Variants in AOAH observed in about 807,000 individuals in gnomAD.
AOAH encodes acyloxyacyl hydrolase.
Under a neutral mutation model 92.2 loss-of-function variants are expected in AOAH, and 64 were observed. That is an observed-to-expected ratio of 0.69 (90% CI 0.57 to 0.86). The LOEUF (loss-of-function observed/expected upper bound fraction) is 0.86, where lower values mean the gene tolerates loss of function less well. AOAH is among the 40% of genes least tolerant of loss of function. The probability of loss-of-function intolerance (pLI) is 0.00; values close to 1 mark genes in which losing one functional copy is unlikely to be tolerated. For missense variants in AOAH, 656 were observed against 694.6 expected (o/e 0.94, Z 0.62); for synonymous variants, 263 against 254.5 (o/e 1.03, Z -0.32).
At chr7:36,722,767 T>C (rs1214493574) in intron 1 of AOAH, among the ~76,000 whole-genome samples, 6 of 151,630 alleles carry the variant, frequency 4.0e-5, no homozygotes, top group Admixed American at 3.9e-4. Flanking sequence ...ACCCCATCTC[T>C]ACTAAAAATA....
chr7:36,559,369 G>A (rs906426895), intron 13 of AOAH, among the ~76,000 whole-genome samples: 25 of 152,258 alleles, frequency 1.6e-4, no homozygotes, highest in Admixed American at 3.3e-4. Context: ...CACCAGTAGC[G>A]TATAACCATT....
chr7:36,706,366 C>G (rs1798410607), intron 1 of AOAH, among the ~76,000 whole-genome samples: 1 of 152,102 alleles, frequency 6.6e-6, no homozygotes, highest in African/African-American at 2.4e-5. Flanking sequence ...TAGGTCTCCA[C>G]AGTGAGCTCA....
intron 7 of AOAH, 77 bp downstream of exon 7, chr7:36,623,113 T>A (rs1792400448): frequency 3.1e-6 from 3 of 973,462 alleles, no homozygotes; most frequent in Non-Finnish European, 4.6e-6. Flanking sequence ...AATTCAGTCT[T>A]GTCTTATTAA....
intron 4 of AOAH, among the ~76,000 whole-genome samples, chr7:36,652,990 C>T (rs1048692415): frequency 6.6e-6 from 1 of 152,212 alleles, no homozygotes; most frequent in Non-Finnish European, 1.5e-5. Context: ...ATACTGACTT[C>T]TTTAGTTTTG....
chr7:36,548,753 A>T, intron 14 of AOAH, 67 bp from the exon 15 acceptor site: 4 of 1,411,626 alleles, frequency 2.8e-6, no homozygotes, highest in Non-Finnish European at 4.0e-6. Flanking sequence ...CCAGTGACAC[A>T]GGCTGGGCCT....
At chr7:36,668,388 G>A (rs1444773792) in intron 3 of AOAH, among the ~76,000 whole-genome samples, 1 of 152,184 alleles carries the variant, frequency 6.6e-6, no homozygotes, top group Admixed American at 6.5e-5. Context: ...GCTGGCTCCT[G>A]TGGCAATTTT....
intron 19 of AOAH, among the ~76,000 whole-genome samples, chr7:36,525,392 A>G (rs1343486829): frequency 6.6e-6 from 1 of 152,242 alleles, no homozygotes; most frequent in Non-Finnish European, 1.5e-5. Context: ...TTGCTTATAC[A>G]TGAGTTTCTT....
chr7:36,524,751 T>A (rs1784311464), intron 19 of AOAH, among the ~76,000 whole-genome samples: 2 of 151,338 alleles, frequency 1.3e-5, no homozygotes, highest in African/African-American at 2.4e-5. Flanking sequence ...TTTTTTTTTT[T>A]AAACCATGTG....
chr7:36,669,377 C>CTTTTTTTT (rs33911092), intron 3 of AOAH, among the ~76,000 whole-genome samples: 1 of 125,526 alleles, frequency 8.0e-6, no homozygotes, highest in Non-Finnish European at 1.6e-5. Flanking sequence ...CCCCCCCCAC[C>CTTTTTTTT]TTTTTTTTTT....
At chr7:36,524,742 T>C (rs1784311025) in intron 19 of AOAH, among the ~76,000 whole-genome samples, 1 of 151,370 alleles carries the variant, frequency 6.6e-6, no homozygotes, top group African/African-American at 2.4e-5. Flanking sequence ...GCTCACTCTT[T>C]TTTTTTTTTA....
Position 36,516,444 on chromosome 7 carries a change from CA to C in AOAH, c.1600-3065del, listed in dbSNP as rs70977157. ...ACAGAAAGCACGCAGATACCCCCCC[CA>C]CACACACAGAAAGTGCACGGATACC... On this transcript the variant is annotated intron_variant, in intron 20 of 20. Coordinates refer to ENST00000617537, the MANE Select transcript of AOAH (RefSeq NM_001637.4). This position sits in a 1 kb window ranked among gnomAD's most constrained non-coding sequence, Gnocchi z 5.0. Among the ~76,000 whole-genome samples, 15,491 of 103,480 alleles carry C rather than the reference CA, an allele frequency of 0.15. 3,682 individuals are homozygous for C. The highest frequency in any genetic ancestry group is 0.26 in the Middle Eastern group (47 of 180). The allele number at this position is 103,480 out of a possible 152,430, so 67.9% of individuals were successfully genotyped here. A position where few individuals can be genotyped will look rare whatever the true frequency, so the allele number is the denominator to read the frequency against.
intron 3 of AOAH, among the ~76,000 whole-genome samples, chr7:36,668,639 G>T (rs912836248): frequency 2.6e-5 from 4 of 152,034 alleles, no homozygotes; most frequent in African/African-American, 9.7e-5. Context: ...GAGGTGCACC[G>T]CCACCCCCGG....
At chr7:36,586,476 C>T (rs1436811233) in intron 12 of AOAH, among the ~76,000 whole-genome samples, 1 of 152,196 alleles carries the variant, frequency 6.6e-6, no homozygotes, top group Non-Finnish European at 1.5e-5. Flanking sequence ...CCTTGCCCTC[C>T]AGGACTGTAA....
At position 36,637,850 on chromosome 7, in the gene AOAH, C is replaced by T; in HGVS notation, c.450+1G>A. ...TGGCGTTCTACGTGCTTAGTGCTTA[C>T]CAGAATCGGGGACTTCTTGACAATT... On this transcript the variant is annotated splice_donor_variant, in intron 5 of 20. Transcript: ENST00000617537. LOFTEE classifies it high-confidence loss of function. The T allele has an allele frequency of 1.2e-6, 2 of 1,613,918 alleles. No homozygotes were observed. Among genetic ancestry groups the T allele is most frequent in the Non-Finnish European group, 1.7e-6 (2 of 1,179,820 alleles).
At chr7:36,559,327 C>G (rs891583834) in intron 13 of AOAH, among the ~76,000 whole-genome samples, 3 of 152,194 alleles carry the variant, frequency 2.0e-5, no homozygotes. Flanking sequence ...CTCCAAACTG[C>G]TTTCCACAGT....
chr7:36,719,362 C>T (rs778394814), intron 1 of AOAH, among the ~76,000 whole-genome samples: 9 of 152,226 alleles, frequency 5.9e-5, no homozygotes, highest in East Asian at 3.9e-4. Context: ...ACAACCCCCA[C>T]GGAGAAGTGT....
chr7:36,555,505 G>A (rs1786636696), intron 13 of AOAH, among the ~76,000 whole-genome samples: 1 of 152,204 alleles, frequency 6.6e-6, no homozygotes, highest in African/African-American at 2.4e-5. Context: ...CTCATAAAAT[G>A]AGTTAGGGAG....
intron 4 of AOAH, among the ~76,000 whole-genome samples, chr7:36,651,701 G>A (rs766895682): frequency 2.0e-5 from 3 of 152,204 alleles, no homozygotes; most frequent in Non-Finnish European, 4.4e-5. Flanking sequence ...GATGTGAAGA[G>A]CTGGAGGTCT....
intron 4 of AOAH, among the ~76,000 whole-genome samples, chr7:36,647,084 T>C (rs1398385251): frequency 6.6e-6 from 1 of 152,232 alleles, no homozygotes; most frequent in Non-Finnish European, 1.5e-5. Context: ...ACTAGCACTA[T>C]GTTTGAGGAA....
Sources: gnomAD v4.1 joint callset for allele counts (sites outside exome capture counted in the v4.1 genomes callset) on GRCh38, gnomAD v4.1.1 for gene constraint, Gnocchi (gnomAD v3.1) non-coding constraint, MANE v1.5 for transcripts, NCBI Gene and HGNC (gene_info 2026-07-23, HGNC 2026-07-21) for gene names.